Variants in MEGF6 observed in about 807,000 individuals in gnomAD.
MEGF6 encodes multiple EGF like domains 6.
A neutral mutation model predicts 207.1 loss-of-function variants in MEGF6; 184 were observed. That is an observed-to-expected ratio of 0.89 (90% CI 0.79 to 1.00). The LOEUF (loss-of-function observed/expected upper bound fraction) is 1.00, where lower values mean the gene tolerates loss of function less well. MEGF6 is among the 50% of genes least tolerant of loss of function. The pLI, the probability that MEGF6 is intolerant of heterozygous loss-of-function variation, is 0.00. For missense variants in MEGF6, 2,282 were observed against 2,202.9 expected (o/e 1.04, Z -0.72); for synonymous variants, 1,038 against 910.0 (o/e 1.14, Z -2.53).
At chr1:3,553,309 C>T (rs553475413) in intron 4 of MEGF6, among the ~76,000 whole-genome samples, 10 of 152,108 alleles carry the variant, frequency 6.6e-5, no homozygotes, top group South Asian at 6.2e-4. Flanking sequence ...GTGAGCCTGG[C>T]GCCTCCAGCA....
chr1:3,544,307 A>T (rs1037355788), intron 4 of MEGF6, among the ~76,000 whole-genome samples: 2 of 146,316 alleles, frequency 1.4e-5, no homozygotes, highest in Non-Finnish European at 2.9e-5. Context: ...CAGGCTCTGG[A>T]GCCCACAGAC....
At chr1:3,522,592 G>A (rs1641795092) in intron 5 of MEGF6, among the ~76,000 whole-genome samples, 1 of 146,386 alleles carries the variant, frequency 6.8e-6, no homozygotes, top group South Asian at 2.3e-4. Context: ...CCGGGTGAGT[G>A]ATGGGTGGGT....
intron 4 of MEGF6, among the ~76,000 whole-genome samples, chr1:3,555,670 C>T (rs1014858526): frequency 2.6e-5 from 4 of 152,192 alleles, no homozygotes; most frequent in East Asian, 1.9e-4. Context: ...CCTGCAGGGC[C>T]GAGAGGAGCC....
At chr1:3,496,931 G>C in intron 28 of MEGF6, 57 bp downstream of exon 28, 2 of 1,533,784 alleles carry the variant, frequency 1.3e-6, no homozygotes, top group Admixed American at 2.0e-5. Flanking sequence ...GGGGAACTGG[G>C]GCCCAGCACG....
At position 3,560,851 on chromosome 1, in the gene MEGF6, G is replaced by T. The variant is rs1643179073; in HGVS notation, c.481+18974C>A. 1.7e-5 allele frequency: 4 copies of T among 239,344 alleles called. No homozygotes were observed. Among genetic ancestry groups the T allele is most frequent in the Middle Eastern group, 9.5e-4 (1 of 1,048 alleles). The allele number at this position is 239,344 out of a possible 1,614,324, so 14.8% of individuals were successfully genotyped here. A position where few individuals can be genotyped will look rare whatever the true frequency, so the allele number is the denominator to read the frequency against. On this transcript the variant is annotated intron_variant, in intron 4 of 36. Coordinates refer to ENST00000356575, the MANE Select transcript of MEGF6 (RefSeq NM_001409.4). The surrounding 1 kb of genome is among the most constrained non-coding windows in gnomAD (Gnocchi z 4.0). ...GGCGTCGGCCGCGAGGGGGTTGCTGGGCTGGCTGGTCCCCCAGGTCTCTAC... is the reference window on the plus strand; with the variant it reads ...GGCGTCGGCCGCGAGGGGGTTGCTGTGCTGGCTGGTCCCCCAGGTCTCTAC...
chr1:3,499,646 A>G lies in MEGF6; in HGVS notation c.2907T>C (p.Asp969=), dbSNP rs371541494. The G allele has an allele frequency of 4.9e-4, 782 of 1,595,076 alleles. 8 individuals carry two copies. The highest frequency in any genetic ancestry group is 3.3e-4 in the Middle Eastern group (2 of 6,050). The part of the protein sequence containing the change: ...ACNCTAGAAC[D]AVNGSCLCPA... ...GGCAGAGGCAGGAGCCATTCACGGCATCACAGGCAGCTCCGGCGGTGCAGT... is the reference window on the plus strand; with the variant it reads ...GGCAGAGGCAGGAGCCATTCACGGCGTCACAGGCAGCTCCGGCGGTGCAGT... The change falls in exon 23 of 37, where the codon GAT becomes GAC. Residue 969 remains aspartate, a synonymous_variant. Coordinates refer to ENST00000356575, the MANE Select transcript of MEGF6 (RefSeq NM_001409.4).
At chr1:3,588,655 G>T (rs1643932190) in intron 3 of MEGF6, among the ~76,000 whole-genome samples, 1 of 151,990 alleles carries the variant, frequency 6.6e-6, no homozygotes, top group African/African-American at 2.4e-5. Flanking sequence ...CAGAGTCGAG[G>T]GCCAGGCAGG....
chr1:3,537,550 G>C (rs758602057), intron 4 of MEGF6, among the ~76,000 whole-genome samples: 1 of 152,230 alleles, frequency 6.6e-6, no homozygotes, highest in Non-Finnish European at 1.5e-5. Flanking sequence ...ACGAGTGGCC[G>C]GGGGGCACCG....
In MEGF6 at chr1:3,605,282, TCACA is replaced by T. The variant is rs1383275366; in HGVS notation, c.132-2686_132-2683del. Among the ~76,000 whole-genome samples, 2 of 151,164 alleles carry T rather than the reference TCACA, an allele frequency of 1.3e-5. 1 individual carries two copies. The highest frequency in any genetic ancestry group is 3.9e-4 in the East Asian group (2 of 5,092). On this transcript the variant is annotated intron_variant, in intron 1 of 36. Coordinates refer to ENST00000356575, the MANE Select transcript of MEGF6 (RefSeq NM_001409.4). ...CACACATACTCTCACACCCACACAA[TCACA>T]CAAACGCAATCACACACATTCACAT...
intron 4 of MEGF6, among the ~76,000 whole-genome samples, chr1:3,567,534 C>A (rs1050622840): frequency 2.6e-5 from 4 of 152,208 alleles, no homozygotes; most frequent in Non-Finnish European, 5.9e-5. Context: ...ACATGCCCCC[C>A]CCAGGCTCTC....
At chr1:3,598,845 C>G (rs903711964) in intron 2 of MEGF6, among the ~76,000 whole-genome samples, 1 of 152,136 alleles carries the variant, frequency 6.6e-6, no homozygotes, top group Non-Finnish European at 1.5e-5. Flanking sequence ...AGAGCCCCTC[C>G]CCCACCCCTT....
the MEGF6 span, among the ~76,000 whole-genome samples, chr1:3,617,813 C>G: frequency 6.6e-6 from 1 of 152,148 alleles, no homozygotes; most frequent in Non-Finnish European, 1.5e-5. Context: ...ACAGGGAGAG[C>G]GCAGCGTGGA....
intron 1 of MEGF6, among the ~76,000 whole-genome samples, chr1:3,610,217 C>T (rs887126700): frequency 2.0e-5 from 3 of 152,248 alleles, no homozygotes; most frequent in African/African-American, 7.2e-5. Context: ...ACCCCCTCCT[C>T]TTCACCAGCT....
intron 1 of MEGF6, among the ~76,000 whole-genome samples, chr1:3,604,373 T>A (rs1044591476): frequency 6.6e-6 from 1 of 152,102 alleles, no homozygotes; most frequent in Non-Finnish European, 1.5e-5. Context: ...CTCCTGGCCA[T>A]AAGCAGGGTC....
At chr1:3,526,890 G>T (rs1355173600) in intron 4 of MEGF6, among the ~76,000 whole-genome samples, 1 of 152,184 alleles carries the variant, frequency 6.6e-6, no homozygotes, top group Non-Finnish European at 1.5e-5. Flanking sequence ...CCCGCCTGCT[G>T]ACCTTGCCTC....
chr1:3,585,093 CATGTCCTGTGTGAGGACGT>C (rs1350047820), intron 3 of MEGF6, among the ~76,000 whole-genome samples: 6 of 151,128 alleles, frequency 4.0e-5, no homozygotes, highest in South Asian at 2.2e-4. Context: ...AGTGAGGACA[CATGTCCTGTGTGAGGACGT>C]ATGTCCTGTG....
In MEGF6 at chr1:3,494,284, C is replaced by A. The variant is rs541289428; in HGVS notation, c.4129+87G>T. The A allele has an allele frequency of 1.7e-5, 25 of 1,479,486 alleles. No homozygotes were observed. In the East Asian group the frequency reaches 5.9e-4, roughly 35 times the overall value. The allele number at this position is 1,479,486 out of a possible 1,614,324, so 91.6% of individuals were successfully genotyped here. On this transcript the variant is annotated intron_variant, in intron 32 of 36. Coordinates refer to ENST00000356575, the MANE Select transcript of MEGF6 (RefSeq NM_001409.4). ...CTGCTGGCTCCCCACCTCCCCACCA[C>A]TTCACTGCTGCCTGGATCACCCACA...
At chr1:3,581,436 G>A (rs1236708147) in intron 3 of MEGF6, among the ~76,000 whole-genome samples, 2 of 152,180 alleles carry the variant, frequency 1.3e-5, no homozygotes, top group African/African-American at 2.4e-5. Context: ...GGGCCAGGGG[G>A]CTGCAGGGAA....
chr1:3,555,138 G>A (rs1642996304), intron 4 of MEGF6, among the ~76,000 whole-genome samples: 6 of 152,210 alleles, frequency 3.9e-5, no homozygotes, highest in Admixed American at 2.6e-4. Context: ...GCTGGCCGGA[G>A]AGAAGCACAG....
Sources: gnomAD v4.1 joint callset for allele counts (sites outside exome capture counted in the v4.1 genomes callset) on GRCh38, gnomAD v4.1.1 for gene constraint, Gnocchi (gnomAD v3.1) non-coding constraint, MANE v1.5 for transcripts, NCBI Gene and HGNC (gene_info 2026-07-23, HGNC 2026-07-21) for gene names.